EXOSC7: variants seen among roughly 807,000 people sequenced by gnomAD.
EXOSC7 encodes the protein exosome complex component RRP42.
In EXOSC7, 25 loss-of-function variants were observed where a neutral mutation model predicts 34.3. The ratio of observed to expected loss-of-function variants is 0.73; its 90% CI spans 0.53 to 1.02. The LOEUF is 1.02. Ranked by LOEUF, EXOSC7 falls within the 50% of genes least tolerant of loss-of-function variation. The pLI, the probability that EXOSC7 is intolerant of heterozygous loss-of-function variation, is 0.00. For synonymous variants in EXOSC7, 130 were observed against 143.0 expected (o/e 0.91, Z 0.65); for missense variants, 370 against 368.5 (o/e 1.00, Z -0.03).
intron 5 of EXOSC7, among the ~76,000 whole-genome samples, chr3:45,003,542 C>T (rs1706945688): frequency 1.3e-5 from 2 of 152,210 alleles, no homozygotes; most frequent in South Asian, 4.2e-4. Flanking sequence ...GGATGGCCAG[C>T]AGGGCTCAAT....
At chr3:44,990,946 C>G (rs985408575) in intron 3 of EXOSC7, among the ~76,000 whole-genome samples, 3 of 152,168 alleles carry the variant, frequency 2.0e-5, no homozygotes, top group Non-Finnish European at 2.9e-5. Flanking sequence ...AATGTTAACC[C>G]ACTTTTGTAG....
intron 4 of EXOSC7, among the ~76,000 whole-genome samples, chr3:45,000,471 A>G (rs923503139): frequency 6.6e-6 from 1 of 152,186 alleles, no homozygotes. Flanking sequence ...GCTTTATTCC[A>G]TAACCTCAGG....
At chr3:44,996,414 A>G (rs549411927) in intron 3 of EXOSC7, among the ~76,000 whole-genome samples, 57 of 151,760 alleles carry the variant, frequency 3.8e-4, no homozygotes, top group African/African-American at 1.3e-3. Context: ...CCAAAAAGGG[A>G]AAAAAAAAGT....
chr3:44,989,493 T>C, intron 2 of EXOSC7, 57 bp from the exon 3 acceptor site: 1 of 1,332,392 alleles, frequency 7.5e-7, no homozygotes. Context: ...AGGAGGGAGG[T>C]GGTGGAGTAC....
intron 1 of EXOSC7, among the ~76,000 whole-genome samples, chr3:44,987,618 A>G (rs1221565751): frequency 6.6e-6 from 1 of 152,246 alleles, no homozygotes; most frequent in African/African-American, 2.4e-5. Context: ...TAATGTAACC[A>G]CACTGAAGGG....
At chr3:44,979,625 C>T (rs756137098) in intron 1 of EXOSC7, among the ~76,000 whole-genome samples, 6 of 151,704 alleles carry the variant, frequency 4.0e-5, no homozygotes, top group Non-Finnish European at 8.8e-5. Context: ...TTTTTGTCTC[C>T]CTACAGATTG....
intron 7 of EXOSC7, among the ~76,000 whole-genome samples, chr3:45,008,074 A>C (rs1707104926): frequency 6.6e-6 from 1 of 152,164 alleles, no homozygotes; most frequent in African/African-American, 2.4e-5. Flanking sequence ...GACCCACTGG[A>C]GTTGGGTTGG....
intron 6 of EXOSC7, 101 bp downstream of exon 6, chr3:45,005,515 C>A: frequency 8.3e-7 from 1 of 1,202,660 alleles, no homozygotes; most frequent in Non-Finnish European, 1.2e-6. Flanking sequence ...GTTGTAATAC[C>A]ACACACCATA....
At chr3:44,980,206 G>A (rs900444965) in intron 1 of EXOSC7, among the ~76,000 whole-genome samples, 2 of 152,076 alleles carry the variant, frequency 1.3e-5, no homozygotes, top group African/African-American at 4.8e-5. Flanking sequence ...AACCCAACCA[G>A]AAGCCAGCAA....
intron 7 of EXOSC7, among the ~76,000 whole-genome samples, chr3:45,010,126 T>G (rs1011322576): frequency 2.0e-5 from 3 of 152,228 alleles, no homozygotes; most frequent in African/African-American, 7.2e-5. Flanking sequence ...CACACTGCTA[T>G]GGGAATGTGA....
intron 2 of EXOSC7, 87 bp from the exon 3 acceptor site, chr3:44,989,463 C>G: frequency 1.8e-6 from 2 of 1,120,596 alleles, no homozygotes; most frequent in Non-Finnish European, 2.7e-6. Flanking sequence ...AAGAGTCCCC[C>G]AGGGGTGTAT....
At chr3:45,007,234 A>G (rs1707073588) in intron 6 of EXOSC7, among the ~76,000 whole-genome samples, 186 bp from the exon 7 acceptor site, 1 of 152,206 alleles carries the variant, frequency 6.6e-6, no homozygotes, top group Non-Finnish European at 1.5e-5. Context: ...CCACCCACAC[A>G]GTGGCCTGTG....
intron 1 of EXOSC7, among the ~76,000 whole-genome samples, chr3:44,979,598 T>TCC (rs1553697879): frequency 0.023 from 3,477 of 150,586 alleles, 69 homozygotes; most frequent in Middle Eastern, 0.079. Context: ...GTTTTTTTTT[T>TCC]CCCCCTCTTT....
chr3:44,999,080 T>C (rs1706804324), intron 4 of EXOSC7, among the ~76,000 whole-genome samples: 1 of 152,248 alleles, frequency 6.6e-6, no homozygotes, highest in South Asian at 2.1e-4. Context: ...CTTGTAGTTT[T>C]GTAGGATGGC....
In EXOSC7 at chr3:44,993,611, G is replaced by A. The variant is rs572767856; in HGVS notation, c.255-3476G>A. ...GAGCTGGGAGGGGTAGCATTCCCAGGATCTTAATTAGTTTATCCAGCTCAG... is the reference window on the plus strand; with the variant it reads ...GAGCTGGGAGGGGTAGCATTCCCAGAATCTTAATTAGTTTATCCAGCTCAG... On this transcript the variant is annotated intron_variant, in intron 3 of 7. Transcript: ENST00000265564. Among the ~76,000 whole-genome samples the A allele has an allele frequency of 5.3e-5, 8 of 152,134 alleles. No homozygotes were observed. In the South Asian group the frequency reaches 1.7e-3, roughly 32 times the overall value.
rs138236031 is a variant in EXOSC7, at chr3:45,001,179, C to T, written c.421-359C>T. On this transcript the variant is annotated intron_variant, in intron 4 of 7. Coordinates refer to ENST00000265564, the MANE Select transcript of EXOSC7 (RefSeq NM_015004.4). ...AAAAAAAATCGGTGTCCTGGCCGGG[C>T]GTGGTGGCTCATGCCTATACCCCAG... Among the ~76,000 whole-genome samples, 11 of 152,084 alleles carry T rather than the reference C, an allele frequency of 7.2e-5. No individual in the cohort carries two copies. In the East Asian group the frequency reaches 1.4e-3, roughly 19 times the overall value.
chr3:45,002,872 C>G (rs1472240300), intron 5 of EXOSC7, among the ~76,000 whole-genome samples: 1 of 152,160 alleles, frequency 6.6e-6, no homozygotes, highest in Non-Finnish European at 1.5e-5. Context: ...ACCGTGGGAG[C>G]TTGCGTGCCA....
chr3:45,011,215 C>G lies in EXOSC7; in HGVS notation c.772-20C>G. The G allele has an allele frequency of 6.5e-7, 1 of 1,539,022 alleles. No homozygotes were observed. Among genetic ancestry groups the G allele is most frequent in the Non-Finnish European group, 8.9e-7 (1 of 1,118,686 alleles). ...TGCCTTACAAGGGGGTGTGTGCTCT[C>G]TCCCGTCCCTTCTCCACAGACTGGC... On this transcript the variant is annotated intron_variant, in intron 7 of 7. Coordinates refer to ENST00000265564, the MANE Select transcript of EXOSC7 (RefSeq NM_015004.4).
chr3:45,000,064 T>G (rs1258437961), intron 4 of EXOSC7, among the ~76,000 whole-genome samples: 1 of 152,216 alleles, frequency 6.6e-6, no homozygotes, highest in Non-Finnish European at 1.5e-5. Context: ...TTTTTTCCCC[T>G]CAGTTCGGTT....
Sources: gnomAD v4.1 joint callset for allele counts (sites outside exome capture counted in the v4.1 genomes callset) on GRCh38, gnomAD v4.1.1 for gene constraint, MANE v1.5 for transcripts, NCBI Gene and HGNC (gene_info 2026-07-23, HGNC 2026-07-21) for gene names.